Variants in TRAK1 observed in about 807,000 individuals in gnomAD.
TRAK1 encodes the protein trafficking kinesin-binding protein 1.
Under a neutral mutation model 92.1 loss-of-function variants are expected in TRAK1, and 33 were observed. That is an observed-to-expected ratio of 0.36 (90% CI 0.27 to 0.48). TRAK1 has a LOEUF of 0.48. Among genes scored for constraint, TRAK1 ranks in the 20% least tolerant of loss-of-function variants. The pLI is 0.99. For missense variants in TRAK1, 1,123 were observed against 1,257.9 expected (o/e 0.89, Z 1.62); for synonymous variants, 521 against 517.3 (o/e 1.01, Z -0.10).
intron 1 of TRAK1, among the ~76,000 whole-genome samples, chr3:42,116,043 C>G (rs1709115223): frequency 6.6e-6 from 1 of 152,224 alleles, no homozygotes; most frequent in South Asian, 2.1e-4. Context: ...GTAATAGATA[C>G]AAGTGCTTTG....
chr3:42,210,275 T>G (rs751916961), intron 14 of TRAK1: 31 of 1,520,384 alleles, frequency 2.0e-5, no homozygotes, highest in Non-Finnish European at 2.6e-5. Flanking sequence ...AGCATTCTCA[T>G]TGCACAGTTC....
In TRAK1 at chr3:42,201,015, C is replaced by T; in HGVS notation, c.1388C>T (p.Thr463Ile). 6.2e-7 allele frequency: 1 copy of T among 1,614,182 alleles called. No individual in the cohort carries two copies. Residue 463 changes from threonine to isoleucine, a missense_variant, in exon 12 of 16, where the codon ACC becomes ATC. Thr to Ile is a moderately conservative substitution (Grantham distance 89). Transcript: ENST00000327628. ...GGCAACGTCGTCCTCGACAACAAGACCAACAGCATCATTCTGGAAACAGAG... is the reference window on the plus strand; with the variant it reads ...GGCAACGTCGTCCTCGACAACAAGATCAACAGCATCATTCTGGAAACAGAG... ...DIGNVVLDNK[T>I]NSIILETEAA...
chr3:42,084,017 G>T (rs1704553714), upstream of TRAK1, among the ~76,000 whole-genome samples: 1 of 151,672 alleles, frequency 6.6e-6, no homozygotes, highest in African/African-American at 2.4e-5. Flanking sequence ...ATTTTTACTA[G>T]ATTATATCCA....
chr3:42,018,619 T>G (rs758037027), intron 1 of TRAK1, among the ~76,000 whole-genome samples: 1 of 152,222 alleles, frequency 6.6e-6, no homozygotes, highest in Admixed American at 6.5e-5. Flanking sequence ...ACATGTGGAC[T>G]AAGTGGCTTG....
intron 1 of TRAK1, among the ~76,000 whole-genome samples, chr3:42,030,372 A>ATATATATAT (rs1553701574): frequency 2.3e-3 from 310 of 132,310 alleles, no homozygotes; most frequent in South Asian, 6.3e-3. Flanking sequence ...TAAAAAAAAA[A>ATATATATAT]ATATATATAT....
intron 14 of TRAK1, among the ~76,000 whole-genome samples, chr3:42,216,665 C>T (rs1185702434): frequency 1.3e-5 from 2 of 152,082 alleles, no homozygotes; most frequent in Non-Finnish European, 2.9e-5. Flanking sequence ...AAGTTTAAAG[C>T]GTATCACATT....
rs748826513 is a variant in TRAK1, at chr3:42,223,618, C to T, written c.2743C>T (p.Arg915Trp). 13 of 1,613,826 alleles carry T rather than the reference C, an allele frequency of 8.1e-6. No individual in the cohort carries two copies. Among genetic ancestry groups the T allele is most frequent in the African/African-American group, 4.0e-5 (3 of 74,864 alleles). The change falls in exon 16 of 16, where the codon CGG (arginine) becomes TGG (tryptophan). Residue 915 changes from arginine to tryptophan, a missense_variant. Arg to Trp is a moderately radical substitution (Grantham distance 101, BLOSUM62 -3). This residue lies in a region of TRAK1 where 401 missense variants were observed against 438.9 expected (regional missense o/e 0.91). Transcript: ENST00000327628. The surrounding 1 kb of genome is among the most constrained non-coding windows in gnomAD (Gnocchi z 6.1). The stretch of plus-strand genomic sequence containing the variant: ...TGGGCTGCAGCTCAATAGTGGCATC[C>T]GGCGGAATCGCAGCTTCCCCACCAT... The part of the protein sequence containing the change: ...IGGLQLNSGI[R>W]RNRSFPTMVG...
chr3:42,052,177 A>G (rs1369842494), intron 1 of TRAK1, among the ~76,000 whole-genome samples: 1 of 152,220 alleles, frequency 6.6e-6, no homozygotes, highest in African/African-American at 2.4e-5. Flanking sequence ...TGAACAGTCC[A>G]TTGTGTCATA....
At chr3:42,036,733 A>G (rs1318690026) in intron 1 of TRAK1, among the ~76,000 whole-genome samples, 5 of 152,042 alleles carry the variant, frequency 3.3e-5, no homozygotes, top group Non-Finnish European at 7.4e-5. Context: ...TTAACCTTCT[A>G]GGGAGTTTAT....
intron 1 of TRAK1, among the ~76,000 whole-genome samples, chr3:42,050,594 C>T (rs1702940538): frequency 6.6e-6 from 1 of 152,186 alleles, no homozygotes; most frequent in Non-Finnish European, 1.5e-5. Flanking sequence ...TTCCAAAAAT[C>T]TGTCAAAAAT....
In TRAK1 at chr3:42,193,679, A is replaced by G. The variant is rs538424351; in HGVS notation, c.901-145A>G. ...ATATAGGAAAGACTTTACCTTCAAA[A>G]TAATATAAAAAGCAGAATTTGAGTA... On this transcript the variant is annotated intron_variant, in intron 8 of 15. Coordinates refer to ENST00000327628, the MANE Select transcript of TRAK1 (RefSeq NM_001042646.3). The G allele has an allele frequency of 8.8e-6, 8 of 906,828 alleles. No homozygotes were observed. In the East Asian group the frequency reaches 1.7e-4, roughly 19 times the overall value. The allele number at this position is 906,828 out of a possible 1,614,324, so 56.2% of individuals were successfully genotyped here.
intron 2 of TRAK1, among the ~76,000 whole-genome samples, chr3:42,138,335 A>T (rs1310764871): frequency 6.6e-6 from 1 of 152,240 alleles, no homozygotes; most frequent in Admixed American, 6.5e-5. Flanking sequence ...AATGGAGCAG[A>T]GTCCATGTCT....
At chr3:42,099,492 G>A (rs751045087) in intron 1 of TRAK1, among the ~76,000 whole-genome samples, 10 of 152,176 alleles carry the variant, frequency 6.6e-5, no homozygotes, top group Non-Finnish European at 1.2e-4. Flanking sequence ...ATGATGGAAC[G>A]TTTGCGTGGT....
At chr3:42,190,965 A>G (rs1179400427) in intron 6 of TRAK1, among the ~76,000 whole-genome samples, 1 of 152,030 alleles carries the variant, frequency 6.6e-6, no homozygotes, top group Non-Finnish European at 1.5e-5. Flanking sequence ...TCAGATCTCT[A>G]TCATCCCACC....
At chr3:42,112,759 A>T (rs891016960) in intron 1 of TRAK1, among the ~76,000 whole-genome samples, 11 of 145,824 alleles carry the variant, frequency 7.5e-5, no homozygotes, top group African/African-American at 2.7e-4. Context: ...AAAAAAAACC[A>T]ACTAATTTTT....
chr3:42,210,424 AAG>A, intron 14 of TRAK1: 1 of 1,230,796 alleles, frequency 8.1e-7, no homozygotes, highest in Non-Finnish European at 1.0e-6. Flanking sequence ...AAAAAAAAAA[AAG>A]TGGGCTTTTG....
chr3:42,158,345 G>A (rs1262536985), intron 2 of TRAK1, among the ~76,000 whole-genome samples: 1 of 152,106 alleles, frequency 6.6e-6, no homozygotes, highest in Non-Finnish European at 1.5e-5. Flanking sequence ...AATGAATCAC[G>A]CACAAGGTGG....
At chr3:42,038,476 C>T (rs1311776454) in intron 1 of TRAK1, among the ~76,000 whole-genome samples, 1 of 152,146 alleles carries the variant, frequency 6.6e-6, no homozygotes, top group Non-Finnish European at 1.5e-5. Context: ...CAACACCTGG[C>T]CGGTTATTTT....
intron 7 of TRAK1, 102 bp downstream of exon 7, chr3:42,191,738 G>A (rs73828599): frequency 0.059 from 75,723 of 1,275,382 alleles, 2,442 homozygotes; most frequent in Middle Eastern, 0.076. Flanking sequence ...GCCAGCCTAC[G>A]GCTCAGCAGC....
Sources: gnomAD v4.1 joint callset for allele counts (sites outside exome capture counted in the v4.1 genomes callset) on GRCh38, gnomAD v4.1.1 for gene constraint, gnomAD v4.1.1 regional missense constraint, Gnocchi (gnomAD v3.1) non-coding constraint, MANE v1.5 for transcripts, NCBI Gene and HGNC (gene_info 2026-07-23, HGNC 2026-07-21) for gene names.